The following GALNT17 variants were observed in gnomAD, a reference collection of about 807,000 sequenced individuals.
GALNT17 encodes polypeptide N-acetylgalactosaminyltransferase 17.
In GALNT17, 29 loss-of-function variants were observed where a neutral mutation model predicts 63.7. That is an observed-to-expected ratio of 0.46 (90% CI 0.34 to 0.62). The LOEUF is 0.62. Among genes scored for constraint, GALNT17 ranks in the 20% least tolerant of loss-of-function variants. The pLI, the probability that GALNT17 is intolerant of heterozygous loss-of-function variation, is 0.01. For synonymous variants in GALNT17, 305 were observed against 318.3 expected (o/e 0.96, Z 0.45); for missense variants, 603 against 799.6 (o/e 0.75, Z 2.97).
intron 5 of GALNT17, among the ~76,000 whole-genome samples, chr7:71,449,770 G>T (rs564476858): frequency 6.6e-6 from 1 of 151,852 alleles, no homozygotes; most frequent in South Asian, 2.1e-4. Context: ...AACCGGGCGC[G>T]GTGGCTCACG....
intron 2 of GALNT17, among the ~76,000 whole-genome samples, chr7:71,347,395 T>C (rs1350748157): frequency 6.6e-6 from 1 of 152,136 alleles, no homozygotes; most frequent in Non-Finnish European, 1.5e-5. Context: ...GCTGTGTGGA[T>C]TAAATTTTCC....
At chr7:71,558,811 C>T (rs780912363) in intron 5 of GALNT17, among the ~76,000 whole-genome samples, 3 of 152,118 alleles carry the variant, frequency 2.0e-5, no homozygotes, top group East Asian at 3.9e-4. Flanking sequence ...TAGGGAGTTT[C>T]GATGTGGATC....
At chr7:71,658,699 C>T (rs573202223) in intron 6 of GALNT17, among the ~76,000 whole-genome samples, 1 of 152,102 alleles carries the variant, frequency 6.6e-6, no homozygotes, top group South Asian at 2.1e-4. Flanking sequence ...ACCGGTCTGG[C>T]CAACATGGCA....
chr7:71,628,991 C>T (rs544058762), intron 6 of GALNT17, among the ~76,000 whole-genome samples: 5 of 152,102 alleles, frequency 3.3e-5, no homozygotes, highest in Admixed American at 1.3e-4. Flanking sequence ...ACTGTTCAGA[C>T]TGTTTTTGGA....
At position 71,209,025 on chromosome 7, in the gene GALNT17, G is replaced by C. The variant is rs77386313; in HGVS notation, c.238+75985G>C. ...GCCATATGGTCTCTGTCATAACTAC[G>C]CAACTGTGCCACTGCAGCGTGAAAG... On this transcript the variant is annotated intron_variant, in intron 1 of 10. Transcript: ENST00000333538. Among the ~76,000 whole-genome samples the C allele has an allele frequency of 9.5e-3, 1,449 of 152,280 alleles. 24 individuals are homozygous for C. Among genetic ancestry groups the C allele is most frequent in the African/African-American group, 0.033 (1,386 of 41,544 alleles).
intron 5 of GALNT17, among the ~76,000 whole-genome samples, chr7:71,488,899 T>TTTC (rs1415710304): frequency 1.6e-5 from 2 of 127,070 alleles, no homozygotes; most frequent in African/African-American, 6.0e-5. Flanking sequence ...CTTTTTTTTT[T>TTTC]TTTTTTTTTT....
intron 1 of GALNT17, among the ~76,000 whole-genome samples, chr7:71,141,260 G>A (rs982196656): frequency 3.3e-5 from 5 of 152,022 alleles, no homozygotes; most frequent in Admixed American, 2.0e-4. Context: ...CCAGCTACTC[G>A]GGGGGCTGAG....
At chr7:71,362,360 A>C (rs1242558838) in intron 2 of GALNT17, among the ~76,000 whole-genome samples, 1 of 152,084 alleles carries the variant, frequency 6.6e-6, no homozygotes, top group South Asian at 2.1e-4. Context: ...CAAAGACTAC[A>C]TTTCCCCCAA....
intron 1 of GALNT17, among the ~76,000 whole-genome samples, chr7:71,181,899 G>T (rs1261514693): frequency 6.6e-6 from 1 of 151,340 alleles, no homozygotes; most frequent in Non-Finnish European, 1.5e-5. Flanking sequence ...AAAAAAGGCT[G>T]GCGCGGTGGC....
intron 1 of GALNT17, among the ~76,000 whole-genome samples, chr7:71,247,354 A>G (rs544616492): frequency 1.3e-5 from 2 of 152,260 alleles, no homozygotes; most frequent in East Asian, 1.9e-4. Flanking sequence ...GATGGCTACA[A>G]TTGTCTCTTG....
chr7:71,406,954 GAA>G (rs1203412097), intron 3 of GALNT17, among the ~76,000 whole-genome samples: 1 of 151,950 alleles, frequency 6.6e-6, no homozygotes, highest in African/African-American at 2.4e-5. Context: ...CTGAAAAAAA[GAA>G]AAAAAGAGAT....
At chr7:71,450,676 T>G (rs965852799) in intron 5 of GALNT17, among the ~76,000 whole-genome samples, 3 of 152,060 alleles carry the variant, frequency 2.0e-5, no homozygotes, top group Non-Finnish European at 2.9e-5. Context: ...TCCCTCTAAC[T>G]CTCCCAGCCC....
intron 6 of GALNT17, among the ~76,000 whole-genome samples, chr7:71,581,386 C>T (rs368448320): frequency 4.2e-4 from 64 of 152,234 alleles, no homozygotes; most frequent in African/African-American, 1.5e-3. Flanking sequence ...TCTTGAACTC[C>T]TGGCCTCATG....
At chr7:71,697,095 A>G (rs1254840570) in intron 9 of GALNT17, among the ~76,000 whole-genome samples, 1 of 152,166 alleles carries the variant, frequency 6.6e-6, no homozygotes, top group East Asian at 1.9e-4. Context: ...CATATCATCT[A>G]TCAGACTAAG....
At chr7:71,483,069 A>G (rs1305649711) in intron 5 of GALNT17, among the ~76,000 whole-genome samples, 2 of 152,178 alleles carry the variant, frequency 1.3e-5, no homozygotes, top group Non-Finnish European at 2.9e-5. Context: ...TACTGGTCCA[A>G]GGCCTGGGGG....
At chr7:71,622,316 G>C (rs1790305867) in intron 6 of GALNT17, among the ~76,000 whole-genome samples, 2 of 152,196 alleles carry the variant, frequency 1.3e-5, no homozygotes, top group African/African-American at 4.8e-5. Context: ...TCCTCACATA[G>C]AAAATGAAAT....
At chr7:71,529,530 TA>T (rs2116775007) in intron 5 of GALNT17, among the ~76,000 whole-genome samples, 1 of 152,346 alleles carries the variant, frequency 6.6e-6, no homozygotes, top group South Asian at 2.1e-4. Flanking sequence ...AGTAGATATA[TA>T]AAGCTTCAGC....
chr7:71,359,239 T>C (rs1165832832), intron 2 of GALNT17, among the ~76,000 whole-genome samples: 1 of 152,216 alleles, frequency 6.6e-6, no homozygotes, highest in Non-Finnish European at 1.5e-5. Flanking sequence ...ACGAGAAGCA[T>C]GACACCAGCA....
At chr7:71,456,063 T>C (rs1053923487) in intron 5 of GALNT17, among the ~76,000 whole-genome samples, 2 of 151,642 alleles carry the variant, frequency 1.3e-5, no homozygotes, top group African/African-American at 4.8e-5. Flanking sequence ...CTGGCCAACA[T>C]GGTGAAACTC....
Sources: allele counts gnomAD v4.1 joint callset (sites outside exome capture counted in the v4.1 genomes callset), GRCh38; gene constraint gnomAD v4.1.1; transcripts MANE v1.5; gene names NCBI Gene and HGNC (gene_info 2026-07-23, HGNC 2026-07-21).